The following FLT3 variants were observed in gnomAD, a reference collection of about 807,000 sequenced individuals.
The protein encoded by FLT3 is fms related receptor tyrosine kinase 3.
A neutral mutation model predicts 126.6 loss-of-function variants in FLT3; 46 were observed. The ratio of observed to expected loss-of-function variants is 0.36; its 90% CI spans 0.29 to 0.46. The LOEUF is 0.46. Ranked by LOEUF, FLT3 falls within the 20% of genes least tolerant of loss-of-function variation. The probability of loss-of-function intolerance (pLI) is 1.00; values close to 1 mark genes in which losing one functional copy is unlikely to be tolerated. For missense variants in FLT3, 1,069 were observed against 1,190.3 expected (o/e 0.90, Z 1.50); for synonymous variants, 404 against 434.4 (o/e 0.93, Z 0.87).
intron 20 of FLT3, among the ~76,000 whole-genome samples, chr13:28,017,171 GC>G (rs1382291308): frequency 6.6e-6 from 1 of 152,128 alleles, no homozygotes; most frequent in Admixed American, 6.5e-5. Flanking sequence ...CACATAGTAA[GC>G]ACTAAGTCAG....
At chr13:28,069,648 A>G (rs1197397262) in intron 2 of FLT3, among the ~76,000 whole-genome samples, 2 of 152,154 alleles carry the variant, frequency 1.3e-5, no homozygotes, top group Non-Finnish European at 2.9e-5. Flanking sequence ...CAGATTGAAA[A>G]TATTCCGAAA....
intron 2 of FLT3, among the ~76,000 whole-genome samples, chr13:28,069,587 C>T (rs1304672042): frequency 1.3e-5 from 2 of 152,230 alleles, no homozygotes; most frequent in Non-Finnish European, 2.9e-5. Context: ...AAAGGAAATA[C>T]AGTAGGCCCT....
intron 1 of FLT3, among the ~76,000 whole-genome samples, chr13:28,091,626 T>C (rs998330548): frequency 6.6e-6 from 1 of 152,112 alleles, no homozygotes; most frequent in South Asian, 2.1e-4. Flanking sequence ...ATTCTCATAA[T>C]TTTAACTACT....
At chr13:28,084,908 G>A (rs1204274463) in intron 1 of FLT3, among the ~76,000 whole-genome samples, 1 of 150,682 alleles carries the variant, frequency 6.6e-6, no homozygotes, top group African/African-American at 2.4e-5. Context: ...CCGGGAGGCG[G>A]AGCTTGCAGT....
At chr13:28,044,273 AC>A (rs1457706713) in intron 9 of FLT3, among the ~76,000 whole-genome samples, 2 of 151,716 alleles carry the variant, frequency 1.3e-5, no homozygotes, top group African/African-American at 4.8e-5. Context: ...ACATGGCAAA[AC>A]CCCGTCTCTA....
chr13:28,062,698 C>A (rs1302189108), intron 2 of FLT3, among the ~76,000 whole-genome samples: 1 of 144,662 alleles, frequency 6.9e-6, no homozygotes, highest in Non-Finnish European at 1.5e-5. Context: ...GAGCTGAGAT[C>A]GCGCCACTGC....
intron 21 of FLT3, 69 bp downstream of exon 21, chr13:28,015,521 G>T: frequency 2.4e-6 from 2 of 819,020 alleles, no homozygotes; most frequent in South Asian, 1.4e-5. Context: ...GGGGAGGGGT[G>T]GGGCGGCACC....
chr13:28,015,926 G>A (rs1013755497), intron 20 of FLT3, among the ~76,000 whole-genome samples: 1 of 152,076 alleles, frequency 6.6e-6, no homozygotes, highest in African/African-American at 2.4e-5. Flanking sequence ...CTCGAACAAA[G>A]GCTTGTGCTT....
chr13:28,052,738 G>T, intron 4 of FLT3, 64 bp from the exon 5 acceptor site: 1 of 1,187,534 alleles, frequency 8.4e-7, no homozygotes, highest in Non-Finnish European at 1.2e-6. Context: ...CAGCCCCTCA[G>T]AAAAGGATTC....
chr13:28,079,877 C>T (rs1489151175), intron 1 of FLT3, among the ~76,000 whole-genome samples: 2 of 152,124 alleles, frequency 1.3e-5, no homozygotes, highest in Non-Finnish European at 2.9e-5. Flanking sequence ...CACTTCCACT[C>T]ATGACAGAAG....
chr13:28,071,395 C>G (rs1877507776), intron 1 of FLT3, among the ~76,000 whole-genome samples: 1 of 152,020 alleles, frequency 6.6e-6, no homozygotes, highest in Admixed American at 6.6e-5. Flanking sequence ...TATGTGCCTT[C>G]CTGAGAGTCT....
chr13:28,057,585 T>C, intron 3 of FLT3, 123 bp from the exon 4 acceptor site: 1 of 634,756 alleles, frequency 1.6e-6, no homozygotes. Flanking sequence ...GAAGCCGCTC[T>C]GTGGAGAACA....
chr13:28,024,009 C>T (rs1372258281), intron 18 of FLT3, among the ~76,000 whole-genome samples: 5 of 152,158 alleles, frequency 3.3e-5, no homozygotes, highest in African/African-American at 1.2e-4. Flanking sequence ...GATCCACCCA[C>T]CTGAGCCTCC....
rs540895062 is a variant in FLT3, at chr13:28,003,732, C to T, written c.*320G>A. On this transcript the variant is annotated 3_prime_UTR_variant, in exon 24 of 24. Coordinates refer to ENST00000241453, the MANE Select transcript of FLT3 (RefSeq NM_004119.3). ...ATATTAGCTTCTCCTTAGCAAAATG[C>T]TTTTGTTTTATGTATTTACAAGAAT... The T allele has an allele frequency of 2.6e-4, 75 of 289,968 alleles. 1 individual carries two copies. Among genetic ancestry groups the T allele is most frequent in the African/African-American group, 1.5e-3 (70 of 47,832 alleles). The allele number at this position is 289,968 out of a possible 1,614,324, so 18.0% of individuals were successfully genotyped here. A position where few individuals can be genotyped will look rare whatever the true frequency, so the allele number is the denominator to read the frequency against.
intron 23 of FLT3, among the ~76,000 whole-genome samples, chr13:28,005,725 A>C (rs1237297142): frequency 6.6e-6 from 1 of 152,204 alleles, no homozygotes; most frequent in Non-Finnish European, 1.5e-5. Context: ...GCTGCCCTGC[A>C]GAAAGGTTGT....
chr13:28,035,797 A>G, intron 11 of FLT3, 124 bp from the exon 12 acceptor site: 5 of 1,202,624 alleles, frequency 4.2e-6, no homozygotes, highest in South Asian at 1.4e-5. Context: ...GTCTATGACT[A>G]TTGAGAGTTA....
At chr13:28,095,365 T>C (rs1309780252) in intron 1 of FLT3, among the ~76,000 whole-genome samples, 1 of 152,058 alleles carries the variant, frequency 6.6e-6, no homozygotes, top group East Asian at 1.9e-4. Context: ...AACCTCCACC[T>C]CCCAGGTTCA....
intron 4 of FLT3, among the ~76,000 whole-genome samples, chr13:28,053,237 C>T (rs967878312): frequency 6.6e-6 from 1 of 151,708 alleles, no homozygotes; most frequent in Non-Finnish European, 1.5e-5. Context: ...AAACTTTCTA[C>T]TTCTACTTTG....
Position 28,057,328 on chromosome 13 carries a change from A to G in FLT3, c.484+19T>C, listed in dbSNP as rs1465735178. 1 of 1,012,200 alleles carries G rather than the reference A, an allele frequency of 9.9e-7. No individual in the cohort carries two copies. The allele number at this position is 1,012,200 out of a possible 1,614,324, so 62.7% of individuals were successfully genotyped here. On this transcript the variant is annotated intron_variant, in intron 4 of 23. Transcript: ENST00000241453. ...TTGTGGTATTCCAGGCTGGAATACTAGTAGCAGGCTGGACTTACTTCTTAT... is the reference window on the plus strand; with the variant it reads ...TTGTGGTATTCCAGGCTGGAATACTGGTAGCAGGCTGGACTTACTTCTTAT...
Sources: allele counts gnomAD v4.1 joint callset (sites outside exome capture counted in the v4.1 genomes callset), GRCh38; gene constraint gnomAD v4.1.1; transcripts MANE v1.5; gene names NCBI Gene and HGNC (gene_info 2026-07-23, HGNC 2026-07-21).